The following FGFR2 variants were observed in gnomAD, a reference collection of about 807,000 sequenced individuals.
FGFR2 encodes the protein fibroblast growth factor receptor 2.
Under a neutral mutation model 95.9 loss-of-function variants are expected in FGFR2, and 19 were observed. The ratio of observed to expected loss-of-function variants is 0.20; its 90% CI spans 0.14 to 0.29. The LOEUF is 0.29. FGFR2 is among the 10% of genes least tolerant of loss of function. The pLI, the probability that FGFR2 is intolerant of heterozygous loss-of-function variation, is 1.00. For synonymous variants in FGFR2, 392 were observed against 393.3 expected, an observed-to-expected ratio of 1.00 and a Z score of 0.04; for missense variants, 707 against 1,056.9, an observed-to-expected ratio of 0.67 and a Z score of 4.59.
At chr10:121,533,110 C>T (rs113183731) in intron 6 of FGFR2, among the ~76,000 whole-genome samples, 3,838 of 152,244 alleles carry the variant, frequency 0.025, 167 homozygotes, top group African/African-American at 0.084. Flanking sequence ...GATAAAAGAC[C>T]GGGCACGGTG....
At chr10:121,524,099 T>TACACACACACACAC (rs1491543645) in intron 6 of FGFR2, among the ~76,000 whole-genome samples, 3 of 137,194 alleles carry the variant, frequency 2.2e-5, no homozygotes, top group South Asian at 2.3e-4. Context: ...CCCGGCTATG[T>TACACACACACACAC]ATACACACAC....
chr10:121,565,820 G>A (rs1857596860), intron 2 of FGFR2, 116 bp from the exon 3 acceptor site: 1 of 1,303,972 alleles, frequency 7.7e-7, no homozygotes, highest in Non-Finnish European at 1.1e-6. Context: ...TTCTTGCTCT[G>A]CAAATGGCCC....
chr10:121,539,777 A>G, intron 5 of FGFR2, among the ~76,000 whole-genome samples: 1 of 152,240 alleles, frequency 6.6e-6, no homozygotes, highest in East Asian at 1.9e-4. Context: ...TTTTTGGGTT[A>G]ATCACGTAAA....
chr10:121,503,056 C>A (rs898510149), intron 10 of FGFR2, among the ~76,000 whole-genome samples: 12 of 152,342 alleles, frequency 7.9e-5, no homozygotes, highest in Non-Finnish European at 8.8e-5. Flanking sequence ...TGAACCACCA[C>A]CCTCATTTTA....
chr10:121,513,198 A>G (rs1040319187), intron 9 of FGFR2, among the ~76,000 whole-genome samples: 4 of 152,242 alleles, frequency 2.6e-5, no homozygotes, highest in Non-Finnish European at 5.9e-5. Context: ...TAAAGAAAAA[A>G]TATAAATGGT....
chr10:121,520,130 G>A lies in FGFR2; in HGVS notation c.788C>T (p.Pro263Leu), dbSNP rs779326224. The change falls in exon 7 of 18, where the codon CCG becomes CTG. Residue 263 changes from proline to leucine, a missense_variant. Transcript: ENST00000358487. ...TCCGACCACTGTGGAGGCATTTGCC[G>A]GCAGTCCGGCTTGGAGGATGGGCCG... Reference protein sequence around the residue: ...PHRPILQAGLPANASTVVGGD... With the variant: ...PHRPILQAGLLANASTVVGGD... 1.9e-6 allele frequency: 3 copies of A among 1,613,902 alleles called. No individual in the cohort carries two copies. Among genetic ancestry groups the A allele is most frequent in the East Asian group, 2.2e-5 (1 of 44,880 alleles).
chr10:121,570,804 C>A (rs1164401831), intron 2 of FGFR2, among the ~76,000 whole-genome samples: 1 of 152,200 alleles, frequency 6.6e-6, no homozygotes. Flanking sequence ...GTCACTGTTT[C>A]CTAAAACTGG....
At chr10:121,507,539 G>A (rs752705907) in intron 9 of FGFR2, among the ~76,000 whole-genome samples, 1 of 152,170 alleles carries the variant, frequency 6.6e-6, no homozygotes, top group Non-Finnish European at 1.5e-5. Context: ...GGTGAGCCGA[G>A]ATGGTGCCAC....
chr10:121,506,954 G>C (rs1451595642), intron 9 of FGFR2, among the ~76,000 whole-genome samples: 1 of 152,220 alleles, frequency 6.6e-6, no homozygotes, highest in Non-Finnish European at 1.5e-5. Flanking sequence ...CAACGGAAAA[G>C]AAAACGAAGG....
intron 2 of FGFR2, among the ~76,000 whole-genome samples, chr10:121,576,877 G>A (rs1405580200): frequency 6.6e-6 from 1 of 151,776 alleles, no homozygotes; most frequent in African/African-American, 2.4e-5. Context: ...GCTCATGCCT[G>A]TAATCCCAGA....
At chr10:121,587,257 C>G (rs1327655781) in intron 2 of FGFR2, among the ~76,000 whole-genome samples, 1 of 152,148 alleles carries the variant, frequency 6.6e-6, no homozygotes, top group African/African-American at 2.4e-5. Flanking sequence ...AAAATCACCT[C>G]AAGATGGAAG....
In FGFR2 at chr10:121,487,253, G is replaced by A. The variant is rs1480054366; in HGVS notation, c.2057+101C>T. 3 of 899,478 alleles carry A rather than the reference G, an allele frequency of 3.3e-6. No homozygotes were observed. The East Asian group carries it at 7.3e-5, about 22-fold the overall frequency. 55.7% of individuals were successfully genotyped at this position (899,478 alleles called of 1,614,324 possible). ...CAGCTCCTGCACCTTCTACGAATGT[G>A]TGAAATGCAGCAGCCACTAAAGAAG... is the stretch of plus-strand genomic sequence containing the variant. On this transcript the variant is annotated intron_variant, in intron 15 of 17. Coordinates refer to ENST00000358487, the MANE Select transcript of FGFR2 (RefSeq NM_000141.5).
chr10:121,574,731 A>G (rs563722175), intron 2 of FGFR2, among the ~76,000 whole-genome samples: 1 of 152,134 alleles, frequency 6.6e-6, no homozygotes, highest in African/African-American at 2.4e-5. Flanking sequence ...CCTCACATCA[A>G]ACAGAGACCT....
chr10:121,563,172 G>A (rs558737539), intron 4 of FGFR2, among the ~76,000 whole-genome samples: 27 of 152,170 alleles, frequency 1.8e-4, no homozygotes, highest in Non-Finnish European at 7.4e-5. Flanking sequence ...TCAAGAGTTC[G>A]AGACCAGCCT....
chr10:121,543,150 T>C (rs1034201794), intron 5 of FGFR2, among the ~76,000 whole-genome samples: 1 of 152,214 alleles, frequency 6.6e-6, no homozygotes, highest in Admixed American at 6.5e-5. Context: ...CTTGTAATCC[T>C]GGCCTTCACA....
At chr10:121,484,908 T>A (rs1420154935) in intron 16 of FGFR2, among the ~76,000 whole-genome samples, 106 of 152,286 alleles carry the variant, frequency 7.0e-4, no homozygotes, top group African/African-American at 2.5e-3. Context: ...GTTCGAGAAG[T>A]TCTGGAAACA....
intron 11 of FGFR2, among the ~76,000 whole-genome samples, chr10:121,500,016 C>T (rs1847385317): frequency 6.6e-6 from 1 of 152,164 alleles, no homozygotes; most frequent in Admixed American, 6.5e-5. Flanking sequence ...GCACCATATC[C>T]CAAGGATGGG....
At chr10:121,527,801 T>TA (rs565237961) in intron 6 of FGFR2, 93 of 152,298 alleles carry the variant, frequency 6.1e-4, no homozygotes, top group African/African-American at 2.1e-3. Flanking sequence ...GACACTGATG[T>TA]AAAACTCAGG....
intron 8 of FGFR2, 49 bp from the exon 9 acceptor site, chr10:121,515,368 T>G (rs1212774221): frequency 9.0e-6 from 14 of 1,562,438 alleles, no homozygotes; most frequent in Non-Finnish European, 1.2e-5. Context: ...GCCATAGAGT[T>G]AGCACACCAG....
Sources: gnomAD v4.1 joint callset for allele counts (sites outside exome capture counted in the v4.1 genomes callset) on GRCh38, gnomAD v4.1.1 for gene constraint, MANE v1.5 for transcripts, NCBI Gene and HGNC (gene_info 2026-07-23, HGNC 2026-07-21) for gene names.